The following CYREN variants were observed in gnomAD, a reference collection of about 807,000 sequenced individuals.
CYREN encodes the protein cell cycle regulator of non-homologous end joining.
A neutral mutation model predicts 9.7 loss-of-function variants in CYREN; 7 were observed. The observed-to-expected ratio is 0.72, with a 90% CI of 0.41 to 1.36. The LOEUF is 1.36. CYREN is among the 40% of genes most tolerant of loss of function. The pLI is 0.01. For missense variants in CYREN, 215 were observed against 198.1 expected, an observed-to-expected ratio of 1.09 and a Z score of -0.51; for synonymous variants, 76 against 77.9, an observed-to-expected ratio of 0.98 and a Z score of 0.13.
intron 2 of CYREN, among the ~76,000 whole-genome samples, chr7:135,120,078 TGAAGA>T (rs1826927400): frequency 6.6e-6 from 1 of 151,498 alleles, no homozygotes; most frequent in Non-Finnish European, 1.5e-5. Flanking sequence ...TAAAAGAAAA[TGAAGA>T]GAATTTTTCA....
chr7:135,144,762 A>C (rs1829512053), intron 2 of CYREN, among the ~76,000 whole-genome samples: 1 of 147,766 alleles, frequency 6.8e-6, no homozygotes, highest in South Asian at 2.2e-4. Flanking sequence ...CCAAAAAATT[A>C]ATAATAATAA....
intron 2 of CYREN, among the ~76,000 whole-genome samples, chr7:135,102,627 T>G (rs1824017680): frequency 6.6e-6 from 1 of 150,394 alleles, no homozygotes; most frequent in African/African-American, 2.4e-5. Context: ...CTCTTGTGGT[T>G]TTTTTTTTTT....
intron 2 of CYREN, among the ~76,000 whole-genome samples, chr7:135,139,331 C>T (rs1219070919): frequency 1.3e-5 from 2 of 151,488 alleles, no homozygotes; most frequent in African/African-American, 2.4e-5. Context: ...TTTATCTAAT[C>T]ATTAGTGATG....
At chr7:135,096,531 A>T (rs1822748627) in intron 2 of CYREN, among the ~76,000 whole-genome samples, 1 of 151,384 alleles carries the variant, frequency 6.6e-6, no homozygotes, top group African/African-American at 2.4e-5. Flanking sequence ...AGAGAAAAAA[A>T]CAAAAAGAAA....
intron 2 of CYREN, 71 bp downstream of exon 2, chr7:135,168,715 T>A (rs754185777): frequency 2.6e-6 from 4 of 1,561,704 alleles, no homozygotes; most frequent in Non-Finnish European, 3.5e-6. Context: ...CTGGAAGACC[T>A]GGCCCAGGTC....
intron 2 of CYREN, among the ~76,000 whole-genome samples, chr7:135,102,549 T>C (rs1223967432): frequency 6.6e-6 from 1 of 151,894 alleles, no homozygotes. Context: ...GACAAGCCAG[T>C]AGACCATTTC....
chr7:135,168,483 G>A, intron 2 of CYREN: 2 of 451,238 alleles, frequency 4.4e-6, no homozygotes, highest in Non-Finnish European at 7.9e-6. Flanking sequence ...TGTTGTAAAG[G>A]AAGAGACTGG....
intron 2 of CYREN, among the ~76,000 whole-genome samples, chr7:135,136,671 C>A (rs1055803907): frequency 6.6e-6 from 1 of 151,982 alleles, no homozygotes; most frequent in Admixed American, 6.6e-5. Flanking sequence ...ATTCCATTGG[C>A]CCTTCTCCAC....
intron 2 of CYREN, among the ~76,000 whole-genome samples, chr7:135,142,497 G>C (rs982835333): frequency 1.3e-5 from 2 of 152,084 alleles, no homozygotes; most frequent in African/African-American, 4.8e-5. Context: ...GAGGGGGTTG[G>C]TGCCTCTAAT....
intron 2 of CYREN, among the ~76,000 whole-genome samples, chr7:135,152,027 G>C (rs1829677221): frequency 6.6e-6 from 1 of 152,218 alleles, no homozygotes; most frequent in African/African-American, 2.4e-5. Context: ...CTGAGCCTCA[G>C]TTTTCTCTCT....
intron 2 of CYREN, among the ~76,000 whole-genome samples, chr7:135,141,309 T>G (rs1171560023): frequency 6.6e-6 from 1 of 152,122 alleles, no homozygotes; most frequent in East Asian, 1.9e-4. Flanking sequence ...TAGGAATTTA[T>G]CCATTTCTTC....
intron 2 of CYREN, among the ~76,000 whole-genome samples, chr7:135,141,617 T>A (rs1474405813): frequency 1.3e-5 from 2 of 152,120 alleles, no homozygotes; most frequent in African/African-American, 2.4e-5. Context: ...TCACTCCTGT[T>A]TTTCTAGTTC....
Position 135,166,381 on chromosome 7 carries a change from C to A in CYREN, c.*230G>T. 1 of 549,264 alleles carries A rather than the reference C, an allele frequency of 1.8e-6. No homozygotes were observed. Among genetic ancestry groups the A allele is most frequent in the Middle Eastern group, 4.8e-4 (1 of 2,074 alleles). The allele number at this position is 549,264 out of a possible 1,614,324, so 34.0% of individuals were successfully genotyped here. On this transcript the variant is annotated 3_prime_UTR_variant, in exon 4 of 4. Transcript: ENST00000393114. The stretch of plus-strand genomic sequence containing the variant: ...AGGGCACAGTACATACAGAGGGAGT[C>A]AAATGGGATCTCATTTTGAGTCCTG...
chr7:135,119,585 G>A (rs775212127), intron 2 of CYREN, among the ~76,000 whole-genome samples: 2 of 151,578 alleles, frequency 1.3e-5, no homozygotes, highest in Non-Finnish European at 2.9e-5. Flanking sequence ...ACTATCGAAA[G>A]GAGTCAGAGA....
At chr7:135,131,420 A>G (rs2117342190) in intron 2 of CYREN, among the ~76,000 whole-genome samples, 1 of 151,784 alleles carries the variant, frequency 6.6e-6, no homozygotes, top group African/African-American at 2.4e-5. Flanking sequence ...CTGCACATGT[A>G]TCCTGGCTTT....
intron 2 of CYREN, among the ~76,000 whole-genome samples, chr7:135,118,629 C>T (rs1446379173): frequency 6.6e-6 from 1 of 152,134 alleles, no homozygotes; most frequent in Admixed American, 6.5e-5. Flanking sequence ...GAAATAAATT[C>T]TTGTACCAAG....
chr7:135,107,842 T>G (rs1287624848), intron 2 of CYREN, among the ~76,000 whole-genome samples: 3 of 152,194 alleles, frequency 2.0e-5, no homozygotes, highest in Non-Finnish European at 4.4e-5. Flanking sequence ...TGTGTGGGAA[T>G]CTAAGTCTTT....
Position 135,167,644 on chromosome 7 carries a change from G to A in CYREN, c.213+88C>T, listed in dbSNP as rs1830270678. On this transcript the variant is annotated intron_variant, in intron 3 of 3. Coordinates refer to ENST00000393114, the MANE Select transcript of CYREN (RefSeq NM_024033.4). ...GAAGAAGAGGTAGCCTACGGCAGAGGGCGTCTCTCTTACTGACGGTGACCA... is the reference window on the plus strand; with the variant it reads ...GAAGAAGAGGTAGCCTACGGCAGAGAGCGTCTCTCTTACTGACGGTGACCA... The A allele has an allele frequency of 9.5e-6, 15 of 1,573,374 alleles. No individual in the cohort carries two copies. The South Asian group carries it at 1.3e-4, about 14-fold the overall frequency.
chr7:135,164,310 G>C, downstream of CYREN: 1 of 920,678 alleles, frequency 1.1e-6, no homozygotes, highest in Non-Finnish European at 1.6e-6. Context: ...GGGTAGGAGG[G>C]AAACTTGCCA....
Sources: allele counts gnomAD v4.1 joint callset (sites outside exome capture counted in the v4.1 genomes callset), GRCh38; gene constraint gnomAD v4.1.1; transcripts MANE v1.5; gene names NCBI Gene and HGNC (gene_info 2026-07-23, HGNC 2026-07-21).